Variants in NAALAD2 observed in about 807,000 individuals in gnomAD.
NAALAD2 encodes N-acetylated alpha-linked acidic dipeptidase 2.
NAALAD2 carries 89 observed loss-of-function variants against 95.6 expected under a neutral mutation model. That is an observed-to-expected ratio of 0.93 (90% CI 0.78 to 1.11). The LOEUF is 1.11. Ranked by LOEUF, NAALAD2 falls within the 50% of genes least tolerant of loss-of-function variation. The probability of loss-of-function intolerance (pLI) is 0.00; values close to 1 mark genes in which losing one functional copy is unlikely to be tolerated. For missense variants in NAALAD2, 894 were observed against 872.4 expected (o/e 1.02, Z -0.31); for synonymous variants, 264 against 294.4 (o/e 0.90, Z 1.06).
At position 90,175,964 on chromosome 11, in the gene NAALAD2, A is replaced by T; in HGVS notation, c.1503-8A>T. On this transcript the variant is annotated splice_region_variant and splice_polypyrimidine_tract_variant and intron_variant, in intron 14 of 18. Transcript: ENST00000534061. ...TGTGTGTGTGTGTGGATTGCATTCT[A>T]CATCTAGAATCAATAAGCTGGGATC... 2 of 1,546,742 alleles carry T rather than the reference A, an allele frequency of 1.3e-6. No individual in the cohort carries two copies. The highest frequency in any genetic ancestry group is 1.8e-6 in the Non-Finnish European group (2 of 1,123,112).
At chr11:90,134,934 T>C (rs780565683) in intron 1 of NAALAD2, 94 bp downstream of exon 1, 3 of 1,406,672 alleles carry the variant, frequency 2.1e-6, no homozygotes, top group Non-Finnish European at 3.0e-6. Flanking sequence ...GATTGGGCTG[T>C]GCGCTAGCCC....
At chr11:90,148,066 G>A (rs1277047229) in intron 3 of NAALAD2, among the ~76,000 whole-genome samples, 1 of 152,284 alleles carries the variant, frequency 6.6e-6, no homozygotes, top group South Asian at 2.1e-4. Context: ...ATAGAAGGGC[G>A]TGTATGCTGT....
intron 18 of NAALAD2, among the ~76,000 whole-genome samples, chr11:90,190,717 TAATA>T (rs1309536532): frequency 1.3e-5 from 2 of 152,298 alleles, no homozygotes; most frequent in South Asian, 2.1e-4. Context: ...AAAGCCAAGA[TAATA>T]AATCCTGATG....
Position 90,172,431 on chromosome 11 carries a change from G to C in NAALAD2, c.1411-1393G>C, listed in dbSNP as rs116302493. Among the ~76,000 whole-genome samples, 514 of 152,260 alleles carry C rather than the reference G, an allele frequency of 3.4e-3. 3 individuals are homozygous for C. Among genetic ancestry groups the C allele is most frequent in the African/African-American group, 0.012 (489 of 41,550 alleles). ...TACTTGAAGGCTGATGAGGGCTTGT[G>C]TTATCAGTAGACACAACACATTTGT... On this transcript the variant is annotated intron_variant, in intron 13 of 18. Coordinates refer to ENST00000534061, the MANE Select transcript of NAALAD2 (RefSeq NM_005467.4).
At position 90,138,585 on chromosome 11, in the gene NAALAD2, C is replaced by T. The variant is rs150579169; in HGVS notation, c.194+2915C>T. On this transcript the variant is annotated intron_variant, in intron 2 of 18. Transcript: ENST00000534061. ...ATCATCTTGTTTTCTGGCATTGCTTCTTCTGTGTCTTCTTCCTCATCACCT... is the reference window on the plus strand; with the variant it reads ...ATCATCTTGTTTTCTGGCATTGCTTTTTCTGTGTCTTCTTCCTCATCACCT... 8.7e-3 allele frequency among the ~76,000 whole-genome samples: 1,325 copies of T among 152,148 alleles called. 16 individuals carry two copies. Among genetic ancestry groups the T allele is most frequent in the Non-Finnish European group, 9.8e-3 (665 of 67,986 alleles).
chr11:90,132,291 G>A (rs1017234570), upstream of NAALAD2: 1 of 152,390 alleles, frequency 6.6e-6, no homozygotes, highest in Admixed American at 6.6e-5. Flanking sequence ...ATAATGCATT[G>A]ATTTATTCTA....
intron 2 of NAALAD2, 61 bp downstream of exon 2, chr11:90,135,731 A>G: frequency 3.7e-6 from 5 of 1,350,646 alleles, no homozygotes; most frequent in Middle Eastern, 1.8e-4. Context: ...AGTGAGAAGC[A>G]TATTATACCT....
intron 13 of NAALAD2, 145 bp downstream of exon 13, chr11:90,170,281 G>T: frequency 1.7e-6 from 1 of 601,550 alleles, no homozygotes; most frequent in Non-Finnish European, 3.0e-6. Flanking sequence ...TCTTTAATAT[G>T]CCATTTACCT....
intron 15 of NAALAD2, 62 bp downstream of exon 15, chr11:90,176,124 T>C: frequency 7.5e-7 from 1 of 1,334,972 alleles, no homozygotes; most frequent in Non-Finnish European, 1.1e-6. Flanking sequence ...GCGAAGAATG[T>C]CACTGAGTTG....
intron 18 of NAALAD2, among the ~76,000 whole-genome samples, chr11:90,190,437 G>C (rs117937960): frequency 0.039 from 5,927 of 152,248 alleles, 163 homozygotes; most frequent in Non-Finnish European, 0.057. Flanking sequence ...GACAAATTTA[G>C]ACAACTTAGG....
In NAALAD2 at chr11:90,159,953, T is replaced by TA. The variant is rs759940395; in HGVS notation, c.989+639dup. ...TGGCCAACAAGACTGAAACTCCATC[T>TA]AAAAAAAAAAAAAAAAAAAAAAACT... On this transcript the variant is annotated intron_variant, in intron 8 of 18. Transcript: ENST00000534061. Among the ~76,000 whole-genome samples, 453 of 75,350 alleles carry TA rather than the reference T, an allele frequency of 6.0e-3. 4 individuals are homozygous for TA. The highest frequency in any genetic ancestry group is 0.01 in the Middle Eastern group (1 of 100). The allele number at this position is 75,350 out of a possible 152,430, so 49.4% of individuals were successfully genotyped here.
At chr11:90,164,258 T>G (rs578160208) in intron 11 of NAALAD2, 2 of 152,502 alleles carry the variant, frequency 1.3e-5, no homozygotes, top group Admixed American at 1.3e-4. Context: ...CTCTTAATTA[T>G]TTATATTTAA....
intron 18 of NAALAD2, among the ~76,000 whole-genome samples, chr11:90,186,656 A>G (rs1283307890): frequency 1.3e-5 from 2 of 150,234 alleles, no homozygotes; most frequent in African/African-American, 4.9e-5. Context: ...CCTTCCTTAC[A>G]CCTTATACAA....
intron 8 of NAALAD2, among the ~76,000 whole-genome samples, chr11:90,159,953 TAAAAAAAAAAAA>T (rs759940395): frequency 1.3e-5 from 1 of 75,434 alleles, no homozygotes; most frequent in Admixed American, 2.0e-4. Flanking sequence ...AAACTCCATC[TAAAAAAAAAAAA>T]AAAAAAAAAA....
chr11:90,144,757 G>GAAAAAAAAAAAAAA (rs1302696048), intron 2 of NAALAD2, among the ~76,000 whole-genome samples: 20 of 129,490 alleles, frequency 1.5e-4, no homozygotes, highest in African/African-American at 4.1e-4. Context: ...AAAAAAAAAC[G>GAAAAAAAAAAAAAA]GAAAAGAAAG....
chr11:90,142,053 T>C (rs1236508116), intron 2 of NAALAD2, among the ~76,000 whole-genome samples: 1 of 152,176 alleles, frequency 6.6e-6, no homozygotes, highest in Non-Finnish European at 1.5e-5. Flanking sequence ...TTGTTGATGC[T>C]CTTTGTCAAG....
rs547100142 is a variant in NAALAD2, at chr11:90,189,540, G to A, written c.2034-2018G>A. ...TCCCAGCACTTTGGGAGGTTAAGGCGGGTGGATTACCTGAGGTCAGGAGTT... is the reference window on the plus strand; with the variant it reads ...TCCCAGCACTTTGGGAGGTTAAGGCAGGTGGATTACCTGAGGTCAGGAGTT... On this transcript the variant is annotated intron_variant, in intron 18 of 18. Coordinates refer to ENST00000534061, the MANE Select transcript of NAALAD2 (RefSeq NM_005467.4). 7.9e-5 allele frequency among the ~76,000 whole-genome samples: 12 copies of A among 152,196 alleles called. No individual in the cohort carries two copies. The South Asian group carries it at 2.3e-3, about 29-fold the overall frequency.
intron 6 of NAALAD2, among the ~76,000 whole-genome samples, chr11:90,155,814 TAA>T (rs1952095661): frequency 2.3e-5 from 3 of 128,342 alleles, no homozygotes; most frequent in African/African-American, 6.1e-5. Flanking sequence ...ATATAATATA[TAA>T]TATATATGTA....
intron 2 of NAALAD2, among the ~76,000 whole-genome samples, chr11:90,144,001 G>A (rs949238267): frequency 1.3e-5 from 2 of 152,126 alleles, no homozygotes; most frequent in Non-Finnish European, 2.9e-5. Context: ...TTCAGCTTAT[G>A]TATTATCAAG....
Sources: gnomAD v4.1 joint callset for allele counts (sites outside exome capture counted in the v4.1 genomes callset) on GRCh38, gnomAD v4.1.1 for gene constraint, MANE v1.5 for transcripts, NCBI Gene and HGNC (gene_info 2026-07-23, HGNC 2026-07-21) for gene names.